The following SYT1 variants were observed in gnomAD, a reference collection of about 807,000 sequenced individuals.
SYT1 encodes synaptotagmin-1.
Under a neutral mutation model 44.8 loss-of-function variants are expected in SYT1, and 8 were observed. The ratio of observed to expected loss-of-function variants is 0.18; its 90% CI spans 0.10 to 0.32. SYT1 has a LOEUF of 0.32. SYT1 is among the 10% of genes least tolerant of loss of function. SYT1 has a pLI of 1.00. For synonymous variants in SYT1, 154 were observed against 188.8 expected, an observed-to-expected ratio of 0.82 and a Z score of 1.51; for missense variants, 286 against 509.3, an observed-to-expected ratio of 0.56 and a Z score of 4.22.
chr12:79,393,766 G>A (rs761472340), intron 9 of SYT1: 3 of 152,136 alleles, frequency 2.0e-5, no homozygotes, highest in Non-Finnish European at 2.9e-5. Flanking sequence ...TGTTCACGCT[G>A]ATGATAGTTT....
intron 1 of SYT1, among the ~76,000 whole-genome samples, chr12:78,887,879 T>A (rs554628467): frequency 1.8e-3 from 276 of 152,034 alleles, no homozygotes; most frequent in Middle Eastern, 3.4e-3. Flanking sequence ...TTCTCAAGTA[T>A]AATATTGTTA....
At chr12:79,012,250 A>C (rs1871461948) in intron 2 of SYT1, among the ~76,000 whole-genome samples, 1 of 151,940 alleles carries the variant, frequency 6.6e-6, no homozygotes. Context: ...TATTTTTGGG[A>C]ATCAGCACAG....
chr12:79,171,148 T>G (rs1871498501), intron 3 of SYT1, among the ~76,000 whole-genome samples: 1 of 152,110 alleles, frequency 6.6e-6, no homozygotes, highest in Admixed American at 6.6e-5. Flanking sequence ...TTTGTTCTTT[T>G]GCTTAGGGTT....
At chr12:79,026,318 G>T (rs940602452) in intron 2 of SYT1, among the ~76,000 whole-genome samples, 2 of 151,396 alleles carry the variant, frequency 1.3e-5, no homozygotes, top group African/African-American at 2.4e-5. Flanking sequence ...AAGGAGGAGT[G>T]CATGTCCTAG....
chr12:79,367,098 T>C (rs1056791724), intron 9 of SYT1, among the ~76,000 whole-genome samples: 1 of 152,152 alleles, frequency 6.6e-6, no homozygotes, highest in African/African-American at 2.4e-5. Context: ...AGACCAGTAG[T>C]ATATTTCTAC....
chr12:79,416,026 G>C (rs1271348736), intron 9 of SYT1, among the ~76,000 whole-genome samples: 1 of 152,184 alleles, frequency 6.6e-6, no homozygotes, highest in Non-Finnish European at 1.5e-5. Context: ...GAGTGGCATA[G>C]TCCCATTTAC....
At chr12:79,385,602 C>T (rs1884405719) in intron 9 of SYT1, among the ~76,000 whole-genome samples, 1 of 152,044 alleles carries the variant, frequency 6.6e-6, no homozygotes, top group Non-Finnish European at 1.5e-5. Flanking sequence ...GGTATCAGAG[C>T]CACATTATAT....
At chr12:78,865,185 T>G (rs1229672226) in intron 1 of SYT1, 76 bp downstream of exon 1, 1 of 152,152 alleles carries the variant, frequency 6.6e-6, no homozygotes, top group Non-Finnish European at 1.5e-5. Context: ...GATTTTCTTC[T>G]CGATACACTT....
chr12:79,165,792 C>T (rs899991440), intron 3 of SYT1, among the ~76,000 whole-genome samples: 4 of 151,906 alleles, frequency 2.6e-5, no homozygotes, highest in African/African-American at 9.7e-5. Flanking sequence ...TCCACCTTCT[C>T]CACTGTTTAT....
At chr12:79,122,781 T>C (rs887249445) in intron 3 of SYT1, among the ~76,000 whole-genome samples, 1 of 152,166 alleles carries the variant, frequency 6.6e-6, no homozygotes, top group Non-Finnish European at 1.5e-5. Context: ...AAGTTCTTAG[T>C]AAATAATAAA....
chr12:79,007,670 C>T (rs1871178164), intron 2 of SYT1, among the ~76,000 whole-genome samples: 1 of 152,084 alleles, frequency 6.6e-6, no homozygotes, highest in African/African-American at 2.4e-5. Context: ...ATACTTATAC[C>T]CTTTTTTGTT....
At chr12:78,983,809 C>T (rs1407915449) in intron 2 of SYT1, among the ~76,000 whole-genome samples, 1 of 151,972 alleles carries the variant, frequency 6.6e-6, no homozygotes, top group Non-Finnish European at 1.5e-5. Flanking sequence ...GTTCAGATAA[C>T]TGCAAAAGTA....
chr12:79,395,201 A>T (rs1884818575), intron 9 of SYT1, among the ~76,000 whole-genome samples: 1 of 152,030 alleles, frequency 6.6e-6, no homozygotes, highest in African/African-American at 2.4e-5. Context: ...ACAGAGATCA[A>T]CTTTTTTGGT....
Position 79,057,568 on chromosome 12 carries a change from T to TA in SYT1, c.-18+10206_-18+10207insA, listed in dbSNP as rs1282865975. 2.0e-5 allele frequency among the ~76,000 whole-genome samples: 3 copies of TA among 152,000 alleles called. No individual in the cohort carries two copies. In the East Asian group the frequency reaches 5.8e-4, roughly 29 times the overall value. On this transcript the variant is annotated intron_variant, in intron 3 of 10. Coordinates refer to ENST00000261205, the MANE Select transcript of SYT1 (RefSeq NM_005639.3). ...ATAACATCTCCTAGGAAGTAATATA[T>TA]TTTTTTTAGGCATTTACTATTTGAG...
chr12:79,095,481 TTAAGA>T (rs1878064085), intron 3 of SYT1, among the ~76,000 whole-genome samples: 1 of 151,896 alleles, frequency 6.6e-6, no homozygotes, highest in Admixed American at 6.6e-5. Context: ...ATAGCAATAG[TTAAGA>T]TGAGAGTTTT....
rs372329939 is a variant in SYT1, at chr12:79,220,334, G to T, written c.166+2649G>T. On this transcript the variant is annotated intron_variant, in intron 4 of 10. Coordinates refer to ENST00000261205, the MANE Select transcript of SYT1 (RefSeq NM_005639.3). ...TTTCTCTTAGCTAGGCTTGCTAAAG[G>T]TTTGTCAATTTTGTTTAACTTTCAA... is the stretch of plus-strand genomic sequence containing the variant. Among the ~76,000 whole-genome samples the T allele has an allele frequency of 1.6e-3, 242 of 151,782 alleles. 1 individual carries two copies. The highest frequency in any genetic ancestry group is 2.3e-3 in the Non-Finnish European group (153 of 67,808).
In SYT1 at chr12:79,321,529, T is replaced by C. The variant is rs538843145; in HGVS notation, c.810+21978T>C. 2.0e-5 allele frequency among the ~76,000 whole-genome samples: 3 copies of C among 152,316 alleles called. No homozygotes were observed. The South Asian group carries it at 6.2e-4, about 32-fold the overall frequency. On this transcript the variant is annotated intron_variant, in intron 8 of 10. Transcript: ENST00000261205. ...GTTTGAATTCTAGTTCTTCCTCTTT[T>C]AGTATGTTAAAGGGAAGGAAATGGT...
intron 3 of SYT1, among the ~76,000 whole-genome samples, chr12:79,136,358 T>C (rs983422626): frequency 2.0e-5 from 3 of 152,198 alleles, no homozygotes; most frequent in African/African-American, 7.2e-5. Flanking sequence ...CATTCAAGAT[T>C]CATTAGCTCA....
chr12:79,130,887 C>T (rs1450440900), intron 3 of SYT1, among the ~76,000 whole-genome samples: 1 of 152,138 alleles, frequency 6.6e-6, no homozygotes, highest in African/African-American at 2.4e-5. Flanking sequence ...TCTTAACACA[C>T]ATCTACAGGG....
Sources: gnomAD v4.1 joint callset for allele counts (sites outside exome capture counted in the v4.1 genomes callset) on GRCh38, gnomAD v4.1.1 for gene constraint, MANE v1.5 for transcripts, NCBI Gene and HGNC (gene_info 2026-07-23, HGNC 2026-07-21) for gene names.